Variants in ANKRD18B observed in about 807,000 individuals in gnomAD.
The protein encoded by ANKRD18B is ankyrin repeat domain-containing protein 18B.
Under a neutral mutation model 111.8 loss-of-function variants are expected in ANKRD18B, and 75 were observed. The ratio of observed to expected loss-of-function variants is 0.67; its 90% CI spans 0.56 to 0.81. The LOEUF (loss-of-function observed/expected upper bound fraction) is 0.81. Among genes scored for constraint, ANKRD18B ranks in the 40% least tolerant of loss-of-function variants. The probability of loss-of-function intolerance (pLI) is 0.00; values close to 1 mark genes in which losing one functional copy is unlikely to be tolerated. For missense variants in ANKRD18B, 1,038 were observed against 1,225.5 expected, an observed-to-expected ratio of 0.85 and a Z score of 2.28; for synonymous variants, 356 against 417.3, an observed-to-expected ratio of 0.85 and a Z score of 1.79.
At position 33,566,429 on chromosome 9, in the gene ANKRD18B, C is replaced by A. The variant is rs562817053; in HGVS notation, c.2671C>A (p.Gln891Lys). 3.8e-5 allele frequency: 61 copies of A among 1,609,640 alleles called. No homozygotes were observed. The Middle Eastern group carries it at 6.4e-4, about 17-fold the overall frequency. ...AGATATGGTAGAACTTGGTAAAGTA[C>A]AAGAATATAAATCGGAGCTGGATGA... The part of the protein sequence containing the change: ...EKDMVELGKV[Q>K]EYKSELDERA... The change falls in exon 15 of 19, where the codon CAA (glutamine) becomes AAA (lysine). Residue 891 changes from glutamine (Q) to lysine (K), a missense_variant. Gln to Lys is a moderately conservative substitution (Grantham distance 53). Around this residue, in one of 4 missense-constraint regions of ANKRD18B, gnomAD observed 524 missense variants for 677.9 expected, o/e 0.77. Transcript: ENST00000684830.
chr9:33,570,694 G>A (rs912404432), intron 17 of ANKRD18B, among the ~76,000 whole-genome samples: 16 of 148,452 alleles, frequency 1.1e-4, no homozygotes, highest in African/African-American at 2.5e-4. Context: ...CTGGAGTGCC[G>A]TGGCATGATC....
intron 3 of ANKRD18B, among the ~76,000 whole-genome samples, chr9:33,532,903 A>C (rs2117992121): frequency 6.6e-6 from 1 of 152,346 alleles, no homozygotes; most frequent in East Asian, 1.9e-4. Flanking sequence ...GCCATGTAAT[A>C]TAGTTTTGTA....
chr9:33,573,575 G>C (rs1828817498), downstream of ANKRD18B, among the ~76,000 whole-genome samples: 1 of 145,092 alleles, frequency 6.9e-6, no homozygotes, highest in Non-Finnish European at 1.6e-5. Context: ...AGAGGGCCTT[G>C]CGGGGTGAGT....
intron 12 of ANKRD18B, among the ~76,000 whole-genome samples, chr9:33,554,141 GAGAGAGAGAGAAAGAAAGAA>G (rs1469527436): frequency 7.2e-6 from 1 of 138,140 alleles, no homozygotes; most frequent in African/African-American, 3.0e-5. Context: ...AGAAGAAAGA[GAGAGAGAGAGAAAGAAAGAA>G]AGAGAGAAAG....
intron 1 of ANKRD18B, among the ~76,000 whole-genome samples, chr9:33,527,668 T>C (rs927073753): frequency 6.6e-5 from 10 of 152,328 alleles, no homozygotes; most frequent in African/African-American, 2.2e-4. Flanking sequence ...GTTTAAAAAA[T>C]ATGTTGTTAT....
chr9:33,531,803 T>C (rs1379753563), intron 3 of ANKRD18B, among the ~76,000 whole-genome samples: 3 of 151,370 alleles, frequency 2.0e-5, no homozygotes, highest in Non-Finnish European at 4.4e-5. Context: ...TTTTTAACTC[T>C]TTTTTTATAT....
intron 14 of ANKRD18B, among the ~76,000 whole-genome samples, chr9:33,560,365 AC>A (rs1231732732): frequency 6.6e-6 from 1 of 151,942 alleles, no homozygotes; most frequent in Non-Finnish European, 1.5e-5. Flanking sequence ...CTCCACCCCA[AC>A]CCCCCAGTGC....
chr9:33,569,558 C>T (rs1828738618), intron 17 of ANKRD18B, among the ~76,000 whole-genome samples: 1 of 151,978 alleles, frequency 6.6e-6, no homozygotes, highest in African/African-American at 2.4e-5. Context: ...CTGTGCCCAG[C>T]CCATACTATT....
In ANKRD18B at chr9:33,562,847, C is replaced by G. The variant is rs374636746; in HGVS notation, c.2461-3372C>G. 5.8e-4 allele frequency among the ~76,000 whole-genome samples: 89 copies of G among 152,248 alleles called. 3 individuals carry two copies. The South Asian group carries it at 0.018, about 31-fold the overall frequency. On this transcript the variant is annotated intron_variant, in intron 14 of 18. Transcript: ENST00000684830. ...GAAAAAGGAAAATGAAAATCGAATA[C>G]TAGATTGATTAATAAATACTCAAAG... is the stretch of plus-strand genomic sequence containing the variant.
chr9:33,527,087 T>C (rs933573551), intron 1 of ANKRD18B, among the ~76,000 whole-genome samples: 5 of 152,168 alleles, frequency 3.3e-5, no homozygotes, highest in South Asian at 2.1e-4. Context: ...CTTAATCTCA[T>C]TGAAGCTTTT....
chr9:33,570,932 G>A (rs62559880), intron 17 of ANKRD18B, among the ~76,000 whole-genome samples: 32,151 of 151,936 alleles, frequency 0.21, 3,515 homozygotes, highest in Admixed American at 0.23. Context: ...TGCCATGCCC[G>A]GTCATTGTTT....
chr9:33,559,225 C>T (rs548494258), intron 14 of ANKRD18B, among the ~76,000 whole-genome samples: 2 of 152,122 alleles, frequency 1.3e-5, no homozygotes, highest in Non-Finnish European at 2.9e-5. Flanking sequence ...CTTAGTTTAT[C>T]TTCCCTAGAT....
At chr9:33,566,174 T>C in intron 14 of ANKRD18B, 45 bp from the exon 15 acceptor site, 1 of 1,485,744 alleles carries the variant, frequency 6.7e-7, no homozygotes, top group Non-Finnish European at 9.1e-7. Flanking sequence ...ATTAGATTAT[T>C]CTCAGCCTAC....
At chr9:33,527,381 G>A (rs747523453) in intron 1 of ANKRD18B, among the ~76,000 whole-genome samples, 67 of 152,064 alleles carry the variant, frequency 4.4e-4, no homozygotes, top group Non-Finnish European at 7.2e-4. Flanking sequence ...GAGTGCAGTG[G>A]CGTGATCTCA....
At chr9:33,532,156 C>T (rs925297271) in intron 3 of ANKRD18B, among the ~76,000 whole-genome samples, 2 of 152,034 alleles carry the variant, frequency 1.3e-5, no homozygotes. Flanking sequence ...ATGGCATGAA[C>T]TCGGGAGGTG....
Position 33,548,251 on chromosome 9 carries a change from C to T in ANKRD18B, c.1463C>T (p.Ala488Val). 1.3e-6 allele frequency: 2 copies of T among 1,551,062 alleles called. No individual in the cohort carries two copies. The highest frequency in any genetic ancestry group is 1.7e-6 in the Non-Finnish European group (2 of 1,146,646). The change falls in exon 11 of 19, where the codon GCT (alanine) becomes GTT (valine). Residue 488 changes from alanine (A) to valine (V), a missense_variant. Physicochemically the swap from Ala to Val is moderately conservative, Grantham distance 64. Transcript: ENST00000684830. Reference sequence around the variant, plus strand: ...AAACACAACAAAGAAAGACTAGAAGCTGAAGTTGAATCCCTCCATTCTAAC... The same window carrying T: ...AAACACAACAAAGAAAGACTAGAAGTTGAAGTTGAATCCCTCCATTCTAAC... ...KEKHNKERLEAEVESLHSNLA... is the reference protein window; with the variant it reads ...KEKHNKERLEVEVESLHSNLA...
chr9:33,541,270 C>T (rs1343970378), intron 9 of ANKRD18B, 43 bp downstream of exon 9: 2 of 1,522,454 alleles, frequency 1.3e-6, no homozygotes, highest in Admixed American at 4.6e-5. Context: ...TGTAAAGAGA[C>T]TGGGAGACAA....
chr9:33,558,703 G>A (rs780272759), intron 14 of ANKRD18B, among the ~76,000 whole-genome samples: 4 of 152,074 alleles, frequency 2.6e-5, no homozygotes, highest in Non-Finnish European at 4.4e-5. Flanking sequence ...TTAAACGTAA[G>A]GTAATTTTAA....
intron 12 of ANKRD18B, among the ~76,000 whole-genome samples, chr9:33,551,389 A>G (rs1483475507): frequency 6.6e-6 from 1 of 152,232 alleles, no homozygotes; most frequent in Non-Finnish European, 1.5e-5. Flanking sequence ...TCTCTTAGCC[A>G]TGACTGCAAC....
Sources: allele counts gnomAD v4.1 joint callset (sites outside exome capture counted in the v4.1 genomes callset), GRCh38; gene constraint gnomAD v4.1.1; regional missense constraint gnomAD v4.1.1; transcripts MANE v1.5; gene names NCBI Gene and HGNC (gene_info 2026-07-23, HGNC 2026-07-21).